The following RFX3 variants were observed in gnomAD, a reference collection of about 807,000 sequenced individuals.
RFX3 encodes transcription factor RFX3.
In RFX3, 14 loss-of-function variants were observed where a neutral mutation model predicts 98.6. That is an observed-to-expected ratio of 0.14 (90% CI 0.09 to 0.22). The LOEUF (loss-of-function observed/expected upper bound fraction) is 0.22, where lower values mean the gene tolerates loss of function less well. Among genes scored for constraint, RFX3 ranks in the 10% least tolerant of loss-of-function variants. The probability of loss-of-function intolerance (pLI) is 1.00; values close to 1 mark genes in which losing one functional copy is unlikely to be tolerated. For synonymous variants in RFX3, 383 were observed against 328.4 expected (o/e 1.17, Z -1.80); for missense variants, 639 against 926.9 (o/e 0.69, Z 4.03).
At position 3,475,632 on chromosome 9, in the gene RFX3, T is replaced by C. The variant is rs1849177049; in HGVS notation, c.-9+50115A>G. Among the ~76,000 whole-genome samples the C allele has an allele frequency of 3.3e-5, 5 of 152,230 alleles. No individual in the cohort carries two copies. The South Asian group carries it at 1.0e-3, about 32-fold the overall frequency. On this transcript the variant is annotated intron_variant, in intron 1 of 16. Transcript: ENST00000617270. ...ATAATATTACAATATTGTTTCTGCA[T>C]ATCAGAGACTTTTAGTACTTTCACT...
At chr9:3,266,688 C>G (rs1452288544) in intron 11 of RFX3, among the ~76,000 whole-genome samples, 1 of 151,964 alleles carries the variant, frequency 6.6e-6, no homozygotes, top group Non-Finnish European at 1.5e-5. Context: ...AATTCTTCAT[C>G]TTGTTCTTTC....
intron 1 of RFX3, among the ~76,000 whole-genome samples, chr9:3,409,876 G>A (rs1367040287): frequency 1.3e-5 from 2 of 151,838 alleles, no homozygotes; most frequent in African/African-American, 4.8e-5. Flanking sequence ...CAACCAAATG[G>A]ATCCATTAGT....
At chr9:3,429,072 G>A (rs1476107424) in intron 1 of RFX3, among the ~76,000 whole-genome samples, 2 of 150,156 alleles carry the variant, frequency 1.3e-5, no homozygotes, top group South Asian at 4.2e-4. Context: ...TCCCAGGCTG[G>A]AGTGCGGTGG....
intron 1 of RFX3, among the ~76,000 whole-genome samples, chr9:3,444,861 T>A (rs964976947): frequency 2.6e-5 from 4 of 152,198 alleles, no homozygotes; most frequent in African/African-American, 7.2e-5. Context: ...CTTTGTAACA[T>A]AAAGCTTTTT....
At chr9:3,401,110 C>G (rs1362670153) in intron 1 of RFX3, among the ~76,000 whole-genome samples, 1 of 152,182 alleles carries the variant, frequency 6.6e-6, no homozygotes, top group African/African-American at 2.4e-5. Context: ...CTCTCTGACA[C>G]CAAAGTTAGG....
intron 1 of RFX3, among the ~76,000 whole-genome samples, chr9:3,459,258 C>G (rs1025184068): frequency 3.3e-5 from 5 of 152,182 alleles, no homozygotes; most frequent in African/African-American, 1.2e-4. Flanking sequence ...GCTCTAGTGC[C>G]AGGTGACAAC....
Position 3,228,955 on chromosome 9 carries a change from C to G in RFX3, c.1969-66G>C, listed in dbSNP as rs899390024. Reference sequence around the variant, plus strand: ...CAGAATAAAATAATACTCTATCAGTCTGTAGTAAAAATGCCAATCTATGAC... The same window carrying G: ...CAGAATAAAATAATACTCTATCAGTGTGTAGTAAAAATGCCAATCTATGAC... On this transcript the variant is annotated intron_variant, in intron 15 of 16. Transcript: ENST00000617270. The G allele has an allele frequency of 8.4e-6, 12 of 1,423,576 alleles. No individual in the cohort carries two copies. In the African/African-American group the frequency reaches 1.3e-4, roughly 15 times the overall value. 88.2% of individuals were successfully genotyped at this position (1,423,576 alleles called of 1,614,324 possible). A position where few individuals can be genotyped will look rare whatever the true frequency, so the allele number is the denominator to read the frequency against.
At chr9:3,319,754 T>G (rs1050160047) in intron 4 of RFX3, among the ~76,000 whole-genome samples, 8 of 151,956 alleles carry the variant, frequency 5.3e-5, no homozygotes, top group African/African-American at 1.9e-4. Flanking sequence ...GTGCAGGAAC[T>G]AGCTCCATTA....
At chr9:3,436,841 G>C (rs891810061) in intron 1 of RFX3, among the ~76,000 whole-genome samples, 1 of 151,990 alleles carries the variant, frequency 6.6e-6, no homozygotes, top group Non-Finnish European at 1.5e-5. Flanking sequence ...GATGTGACAA[G>C]CAAGAAGCCT....
At chr9:3,355,865 T>G (rs944144368) in intron 2 of RFX3, among the ~76,000 whole-genome samples, 1 of 151,604 alleles carries the variant, frequency 6.6e-6, no homozygotes, top group Non-Finnish European at 1.5e-5. Flanking sequence ...AAATTCGAAA[T>G]CGAGGACAAA....
chr9:3,230,987 C>G (rs1818373161), intron 15 of RFX3, among the ~76,000 whole-genome samples: 1 of 152,148 alleles, frequency 6.6e-6, no homozygotes, highest in Non-Finnish European at 1.5e-5. Context: ...TTAGATGTTT[C>G]TACTTAATAC....
intron 1 of RFX3, among the ~76,000 whole-genome samples, chr9:3,517,859 T>C (rs901208193): frequency 2.0e-5 from 3 of 152,186 alleles, no homozygotes; most frequent in African/African-American, 7.2e-5. Flanking sequence ...CTATCGGAAA[T>C]GGTAAGAATA....
chr9:3,237,354 G>C (rs866555370), intron 15 of RFX3, among the ~76,000 whole-genome samples: 1 of 152,256 alleles, frequency 6.6e-6, no homozygotes, highest in African/African-American at 2.4e-5. Flanking sequence ...TTCAAAAATT[G>C]TTTGCAGAGT....
intron 2 of RFX3, among the ~76,000 whole-genome samples, chr9:3,375,287 G>C (rs1838338113): frequency 6.6e-6 from 1 of 152,190 alleles, no homozygotes; most frequent in South Asian, 2.1e-4. Context: ...TGGTCAGACA[G>C]CTATCAGGAT....
intron 9 of RFX3, among the ~76,000 whole-genome samples, chr9:3,274,062 T>G (rs1164538457): frequency 1.3e-5 from 2 of 152,060 alleles, no homozygotes; most frequent in African/African-American, 2.4e-5. Flanking sequence ...AGCATAGTAG[T>G]CAAAGGAAAA....
intron 1 of RFX3, chr9:3,469,201 A>T (rs1274129584): frequency 2.2e-6 from 1 of 455,984 alleles, no homozygotes; most frequent in Non-Finnish European, 4.4e-6. Context: ...AACTGCTGCA[A>T]AAAGACAGAA....
At position 3,263,118 on chromosome 9, in the gene RFX3, T is replaced by C. The variant is rs535021102; in HGVS notation, c.1456-34A>G. ...CAATCCAATTAAGTTGGGATTCTGTTTCCTCCAGTAAAAGAAACCACTGCA... is the reference window on the plus strand; with the variant it reads ...CAATCCAATTAAGTTGGGATTCTGTCTCCTCCAGTAAAAGAAACCACTGCA... On this transcript the variant is annotated intron_variant, in intron 12 of 16. Coordinates refer to ENST00000617270, the MANE Select transcript of RFX3 (RefSeq NM_001282116.2). 7.6e-5 allele frequency: 121 copies of C among 1,602,484 alleles called. No individual in the cohort carries two copies. The South Asian group carries it at 1.3e-3, about 17-fold the overall frequency.
chr9:3,476,995 T>G (rs1200125140), intron 1 of RFX3, among the ~76,000 whole-genome samples: 1 of 152,192 alleles, frequency 6.6e-6, no homozygotes, highest in Non-Finnish European at 1.5e-5. Flanking sequence ...GATATTGTAA[T>G]GAGAAAATGA....
chr9:3,303,919 G>A (rs1019323264), intron 4 of RFX3, among the ~76,000 whole-genome samples: 6 of 152,032 alleles, frequency 3.9e-5, no homozygotes, highest in African/African-American at 1.4e-4. Flanking sequence ...AACAAAAGGG[G>A]TATTTCTTTT....
Sources: allele counts gnomAD v4.1 joint callset (sites outside exome capture counted in the v4.1 genomes callset), GRCh38; gene constraint gnomAD v4.1.1; transcripts MANE v1.5; gene names NCBI Gene and HGNC (gene_info 2026-07-23, HGNC 2026-07-21).